Variants in GCG observed in about 807,000 individuals in gnomAD.
GCG encodes pro-glucagon.
In GCG, 11 loss-of-function variants were observed where a neutral mutation model predicts 22.8. The ratio of observed to expected loss-of-function variants is 0.48; its 90% CI spans 0.30 to 0.80. The LOEUF (loss-of-function observed/expected upper bound fraction) is 0.80, where lower values mean the gene tolerates loss of function less well. Among genes scored for constraint, GCG ranks in the 30% least tolerant of loss-of-function variants. The pLI is 0.06. For synonymous variants in GCG, 89 were observed against 72.4 expected, an observed-to-expected ratio of 1.23 and a Z score of -1.16; for missense variants, 222 against 222.0, an observed-to-expected ratio of 1.00 and a Z score of 0.00.
At chr2:162,145,727 G>A (rs1339294945) in intron 3 of GCG, 50 bp from the exon 4 acceptor site, 2 of 1,554,944 alleles carry the variant, frequency 1.3e-6, no homozygotes, top group Non-Finnish European at 1.8e-6. Flanking sequence ...TTGGCAATAT[G>A]GTTCTCACCT....
chr2:162,147,212 T>A, intron 3 of GCG, 141 bp downstream of exon 3: 1 of 699,128 alleles, frequency 1.4e-6, no homozygotes, highest in Non-Finnish European at 2.5e-6. Context: ...AAGGAGAGCA[T>A]CCCCAACCCT....
chr2:162,149,919 T>C (rs547244586), intron 1 of GCG, among the ~76,000 whole-genome samples: 1 of 152,196 alleles, frequency 6.6e-6, no homozygotes, highest in South Asian at 2.1e-4. Flanking sequence ...AAAAAAAAAT[T>C]AGAGCTTGCT....
At position 162,149,128 on chromosome 2, in the gene GCG, G is replaced by C. The variant is rs908546779; in HGVS notation, c.51C>G (p.Gly17=). The C allele has an allele frequency of 1.2e-6, 2 of 1,612,444 alleles. No homozygotes were observed. The highest frequency in any genetic ancestry group is 1.7e-6 in the Non-Finnish European group (2 of 1,178,796). Residue 17 remains glycine (G), a synonymous_variant, in exon 2 of 6, where the codon GGC becomes GGG. Coordinates refer to ENST00000418842, the MANE Select transcript of GCG (RefSeq NM_002054.5). ...TGTCTTGAAGGGAACGTTGCCAGCT[G>C]CCTTGTACCAGCATTACAAATAATC... The part of the protein sequence containing the change: ...VAGLFVMLVQ[G]SWQRSLQDTE...
At chr2:162,147,260 T>C (rs947601232) in intron 3 of GCG, 93 bp downstream of exon 3, 7 of 925,648 alleles carry the variant, frequency 7.6e-6, no homozygotes, top group African/African-American at 6.6e-5. Flanking sequence ...TGGGCACTAT[T>C]TGACGAGCAT....
chr2:162,151,307 TA>T (rs1345820268), intron 1 of GCG, among the ~76,000 whole-genome samples: 1 of 152,150 alleles, frequency 6.6e-6, no homozygotes, highest in Admixed American at 6.6e-5. Flanking sequence ...GTAGTCCATA[TA>T]AATCCTTTTT....
chr2:162,148,146 G>C (rs1196983183), intron 2 of GCG, among the ~76,000 whole-genome samples: 3 of 152,096 alleles, frequency 2.0e-5, no homozygotes, highest in African/African-American at 7.2e-5. Context: ...TATGAAATTA[G>C]CAAAGCTTGA....
chr2:162,151,345 T>C (rs1177381783), intron 1 of GCG, among the ~76,000 whole-genome samples: 4 of 152,276 alleles, frequency 2.6e-5, no homozygotes, highest in Admixed American at 6.5e-5. Context: ...TTTTATGTAA[T>C]AGGTCTTCAG....
At chr2:162,147,066 C>G (rs537669790) in intron 3 of GCG, among the ~76,000 whole-genome samples, 1 of 152,142 alleles carries the variant, frequency 6.6e-6, no homozygotes, top group South Asian at 2.1e-4. Flanking sequence ...TAAACTTTCA[C>G]TTTAAGGGAA....
At chr2:162,150,110 G>A (rs961230532) in intron 1 of GCG, among the ~76,000 whole-genome samples, 3 of 152,118 alleles carry the variant, frequency 2.0e-5, no homozygotes, top group African/African-American at 7.2e-5. Context: ...AGTGTCGACG[G>A]GGACTGGGAC....
At chr2:162,145,935 T>C (rs1005593085) in intron 3 of GCG, among the ~76,000 whole-genome samples, 6 of 152,150 alleles carry the variant, frequency 3.9e-5, no homozygotes, top group African/African-American at 1.4e-4. Context: ...CCCCTGCTTA[T>C]GTATGTCATT....
intron 4 of GCG, 185 bp from the exon 5 acceptor site, chr2:162,144,355 G>A (rs746566216): frequency 1.6e-5 from 9 of 575,928 alleles, no homozygotes; most frequent in Non-Finnish European, 2.8e-5. Flanking sequence ...GAAAGAGAAA[G>A]TAGCAGAGCT....
Position 162,147,413 on chromosome 2 carries a change from T to A in GCG, c.194A>T (p.Tyr65Phe). 2.5e-6 allele frequency: 4 copies of A among 1,612,914 alleles called. No individual in the cohort carries two copies. The highest frequency in any genetic ancestry group is 3.4e-6 in the Non-Finnish European group (4 of 1,179,046). Reference protein sequence around the residue: ...QGTFTSDYSKYLDSRRAQDFV... With the variant: ...QGTFTSDYSKFLDSRRAQDFV... ...ATCTTGGGCACGCCTGGAGTCCAGA[T>A]ACTTGCTGTAGTCACTGGTGAATGT... The change falls in exon 3 of 6, where the codon TAT becomes TTT. Residue 65 changes from tyrosine to phenylalanine, a missense_variant. Transcript: ENST00000418842.
chr2:162,150,330 T>G (rs966699432), intron 1 of GCG, among the ~76,000 whole-genome samples: 8 of 152,226 alleles, frequency 5.3e-5, no homozygotes, highest in Non-Finnish European at 4.4e-5. Context: ...TGGTTTGGAA[T>G]AAGGATTTCA....
intron 4 of GCG, chr2:162,144,751 A>G (rs1364907721): frequency 6.6e-6 from 1 of 152,130 alleles, no homozygotes; most frequent in Non-Finnish European, 1.5e-5. Flanking sequence ...TTTAAATTTC[A>G]GTAAGCTTGT....
At chr2:162,143,943 T>A (rs1376390684) in intron 5 of GCG, 84 bp downstream of exon 5, 2 of 1,160,942 alleles carry the variant, frequency 1.7e-6, no homozygotes, top group Middle Eastern at 1.9e-4. Context: ...ACTTTCCCCC[T>A]ACATGGGGAA....
At chr2:162,144,456 A>G (rs1199186574) in intron 4 of GCG, 2 of 311,932 alleles carry the variant, frequency 6.4e-6, no homozygotes, top group African/African-American at 4.4e-5. Context: ...TACAGAAACT[A>G]TTGTTGAGAT....
rs1348570969 is a variant in GCG, at chr2:162,144,381, G to C, written c.393-211C>G. 3 of 528,476 alleles carry C rather than the reference G, an allele frequency of 5.7e-6. No homozygotes were observed. In the East Asian group the frequency reaches 9.1e-5, roughly 16 times the overall value. The allele number at this position is 528,476 out of a possible 1,614,324, so 32.7% of individuals were successfully genotyped here. ...TAGCAGAGCTGGGATCTAATACCAA[G>C]CCTGCATAATTTCATGCCCTTTTCA... On this transcript the variant is annotated intron_variant, in intron 4 of 5. Transcript: ENST00000418842.
intron 3 of GCG, 46 bp downstream of exon 3, chr2:162,147,307 T>A (rs1191612102): frequency 3.5e-6 from 5 of 1,440,380 alleles, no homozygotes; most frequent in Non-Finnish European, 4.8e-6. Flanking sequence ...TTTAGACCTA[T>A]TTAATACATT....
At position 162,143,269 on chromosome 2, in the gene GCG, A is replaced by T; in HGVS notation, c.*95T>A. The T allele has an allele frequency of 1.8e-6, 1 of 546,598 alleles. No individual in the cohort carries two copies. Among genetic ancestry groups the T allele is most frequent in the Middle Eastern group, 2.8e-4 (1 of 3,572 alleles). The allele number at this position is 546,598 out of a possible 1,614,324, so 33.9% of individuals were successfully genotyped here. ...TTGGCATGCAAAGCAATGTGGCCTC[A>T]GAATACACCTCTTAAATTTACAGGA... On this transcript the variant is annotated 3_prime_UTR_variant, in exon 6 of 6. Coordinates refer to ENST00000418842, the MANE Select transcript of GCG (RefSeq NM_002054.5).
Sources: allele counts gnomAD v4.1 joint callset (sites outside exome capture counted in the v4.1 genomes callset), GRCh38; gene constraint gnomAD v4.1.1; transcripts MANE v1.5; gene names NCBI Gene and HGNC (gene_info 2026-07-23, HGNC 2026-07-21).